FSTL4: variants seen among roughly 807,000 people sequenced by gnomAD.
FSTL4 encodes follistatin like 4.
FSTL4 carries 28 observed loss-of-function variants against 78.2 expected under a neutral mutation model. The ratio of observed to expected loss-of-function variants is 0.36; its 90% CI spans 0.27 to 0.49. The LOEUF (loss-of-function observed/expected upper bound fraction) is 0.49. FSTL4 is among the 20% of genes least tolerant of loss of function. FSTL4 has a pLI of 0.98. For missense variants in FSTL4, 922 were observed against 1,084.9 expected (o/e 0.85, Z 2.11); for synonymous variants, 422 against 440.5 (o/e 0.96, Z 0.53).
intron 6 of FSTL4, among the ~76,000 whole-genome samples, chr5:133,304,218 C>A (rs1168455190): frequency 2.0e-5 from 3 of 152,236 alleles, no homozygotes; most frequent in Non-Finnish European, 4.4e-5. Context: ...AAAAAGCTGA[C>A]ATTTAAATTG....
At chr5:133,548,933 TA>T (rs1016418308) in intron 3 of FSTL4, among the ~76,000 whole-genome samples, 1 of 152,202 alleles carries the variant, frequency 6.6e-6, no homozygotes, top group African/African-American at 2.4e-5. Flanking sequence ...CTTAGCATAT[TA>T]AAGATATTCC....
intron 3 of FSTL4, among the ~76,000 whole-genome samples, chr5:133,539,508 G>A (rs118027004): frequency 6.6e-6 from 1 of 151,968 alleles, no homozygotes; most frequent in East Asian, 1.9e-4. Context: ...GGCGGCACAG[G>A]ACAACTTCTA....
intron 4 of FSTL4, among the ~76,000 whole-genome samples, chr5:133,375,656 G>C (rs1295013345): frequency 6.6e-6 from 1 of 152,096 alleles, no homozygotes; most frequent in Non-Finnish European, 1.5e-5. Flanking sequence ...TGATAAAAAT[G>C]TACCTTATTC....
intron 2 of FSTL4, among the ~76,000 whole-genome samples, chr5:133,593,285 G>C (rs958498625): frequency 6.6e-6 from 1 of 152,158 alleles, no homozygotes; most frequent in African/African-American, 2.4e-5. Context: ...GCCAGCCCAA[G>C]TCCTCTGAGG....
intron 4 of FSTL4, among the ~76,000 whole-genome samples, chr5:133,372,779 G>A (rs1006048150): frequency 2.6e-5 from 4 of 152,156 alleles, no homozygotes; most frequent in East Asian, 1.9e-4. Flanking sequence ...TTTATGGTGC[G>A]AACTGAGCCT....
At chr5:133,350,141 T>C (rs997354184) in intron 4 of FSTL4, among the ~76,000 whole-genome samples, 1 of 149,912 alleles carries the variant, frequency 6.7e-6, no homozygotes, top group East Asian at 2.0e-4. Flanking sequence ...AAAGGACCCA[T>C]AGGATGGACT....
At chr5:133,221,426 G>A (rs377409973) in intron 11 of FSTL4, among the ~76,000 whole-genome samples, 18 of 36,266 alleles carry the variant, frequency 5.0e-4, no homozygotes, top group East Asian at 2.7e-3. Context: ...GCCCCCCACC[G>A]TTTCTCTGGC....
chr5:133,339,879 C>T (rs1203485385), intron 4 of FSTL4, among the ~76,000 whole-genome samples: 4 of 152,210 alleles, frequency 2.6e-5, no homozygotes, highest in Admixed American at 2.6e-4. Context: ...TAGGACCAGG[C>T]TTGATGACCT....
At chr5:133,251,467 TA>T (rs1752236499) in intron 6 of FSTL4, among the ~76,000 whole-genome samples, 1 of 152,108 alleles carries the variant, frequency 6.6e-6, no homozygotes, top group South Asian at 2.1e-4. Context: ...TTGAGAAACT[TA>T]AATTTGTTTC....
At chr5:133,577,277 G>T (rs1208368289) in intron 2 of FSTL4, among the ~76,000 whole-genome samples, 1 of 152,194 alleles carries the variant, frequency 6.6e-6, no homozygotes, top group Non-Finnish European at 1.5e-5. Flanking sequence ...GCTTCCTCCA[G>T]TTATGCAGAG....
Position 133,338,574 on chromosome 5 carries a change from G to A in FSTL4, c.410-21922C>T, listed in dbSNP as rs910549758. On this transcript the variant is annotated intron_variant, in intron 4 of 15. Transcript: ENST00000265342. The surrounding 1 kb of genome is among the most constrained non-coding windows in gnomAD (Gnocchi z 4.0). Reference sequence around the variant, plus strand: ...GGCTGGTGCAGGGGAAGCTTGGAGCGGTGTCTACTCACTATCCAGCCCAGT... The same window carrying A: ...GGCTGGTGCAGGGGAAGCTTGGAGCAGTGTCTACTCACTATCCAGCCCAGT... 5.3e-5 allele frequency among the ~76,000 whole-genome samples: 8 copies of A among 151,982 alleles called. No homozygotes were observed. The highest frequency in any genetic ancestry group is 6.6e-5 in the Admixed American group (1 of 15,258).
chr5:133,602,393 A>G (rs571705323), intron 2 of FSTL4, among the ~76,000 whole-genome samples: 1 of 152,308 alleles, frequency 6.6e-6, no homozygotes, highest in Non-Finnish European at 1.5e-5. Context: ...ATATTAACTT[A>G]CCTTCAATTT....
chr5:133,233,112 G>A (rs1751543715), intron 8 of FSTL4, among the ~76,000 whole-genome samples: 1 of 152,242 alleles, frequency 6.6e-6, no homozygotes, highest in African/African-American at 2.4e-5. Context: ...TTGCCTAAGG[G>A]GCATGCTCCA....
At chr5:133,273,676 G>A (rs899587182) in intron 6 of FSTL4, among the ~76,000 whole-genome samples, 2 of 152,240 alleles carry the variant, frequency 1.3e-5, no homozygotes, top group African/African-American at 4.8e-5. Context: ...CCAGGCTGGT[G>A]GAAAGAAACA....
At chr5:133,313,640 AG>A (rs1410408470) in intron 5 of FSTL4, among the ~76,000 whole-genome samples, 3 of 151,468 alleles carry the variant, frequency 2.0e-5, no homozygotes, top group East Asian at 1.9e-4. Flanking sequence ...GTGTGGGGGG[AG>A]GGGGGCAGAG....
chr5:133,325,799 C>T (rs919463846), intron 4 of FSTL4, among the ~76,000 whole-genome samples: 4 of 149,524 alleles, frequency 2.7e-5, no homozygotes, highest in Admixed American at 1.3e-4. Flanking sequence ...AGAACCCCCC[C>T]AGAGAGGCCC....
At chr5:133,287,771 C>T (rs1372942031) in intron 6 of FSTL4, among the ~76,000 whole-genome samples, 1 of 152,244 alleles carries the variant, frequency 6.6e-6, no homozygotes, top group Non-Finnish European at 1.5e-5. Flanking sequence ...CCTCCAGCCT[C>T]AGTGTCTTTC....
the FSTL4 span, among the ~76,000 whole-genome samples, chr5:133,685,326 C>A: frequency 6.6e-6 from 1 of 152,260 alleles, no homozygotes; most frequent in African/African-American, 2.4e-5. Flanking sequence ...TATGGCTCCT[C>A]GGAAGAAACA....
At chr5:133,685,639 C>T in the FSTL4 span, among the ~76,000 whole-genome samples, 2 of 152,340 alleles carry the variant, frequency 1.3e-5, no homozygotes, top group African/African-American at 4.8e-5. Flanking sequence ...ACTGCCTCAC[C>T]CCTCTCAGTG....
Sources: gnomAD v4.1 joint callset for allele counts (sites outside exome capture counted in the v4.1 genomes callset) on GRCh38, gnomAD v4.1.1 for gene constraint, Gnocchi (gnomAD v3.1) non-coding constraint, MANE v1.5 for transcripts, NCBI Gene and HGNC (gene_info 2026-07-23, HGNC 2026-07-21) for gene names.